Variants in CHD8 observed in about 807,000 individuals in gnomAD.
CHD8 encodes chromodomain helicase DNA binding protein 8.
CHD8 carries 31 observed loss-of-function variants against 279.2 expected under a neutral mutation model. The observed-to-expected ratio is 0.11, with a 90% CI of 0.08 to 0.15. CHD8 has a LOEUF of 0.15. Ranked by LOEUF, CHD8 falls within the 10% of genes least tolerant of loss-of-function variation. The pLI, the probability that CHD8 is intolerant of heterozygous loss-of-function variation, is 1.00. For synonymous variants in CHD8, 1,081 were observed against 1,139.6 expected (o/e 0.95, Z 1.04); for missense variants, 2,146 against 3,230.5 (o/e 0.66, Z 8.14).
intron 1 of CHD8, among the ~76,000 whole-genome samples, chr14:21,437,465 T>C (rs1889837349): frequency 6.6e-6 from 1 of 151,928 alleles, no homozygotes; most frequent in Non-Finnish European, 1.5e-5. Flanking sequence ...GCAGCTTGCT[T>C]GAAAAAAGGG....
chr14:21,387,211 C>T (rs1370832098), intron 37 of CHD8, among the ~76,000 whole-genome samples: 8 of 152,176 alleles, frequency 5.3e-5, no homozygotes, highest in Admixed American at 2.6e-4. Context: ...CTGGGCCAGG[C>T]GTGGTGGCTC....
At position 21,456,033 on chromosome 14, in the gene CHD8, T is replaced by G. The variant is rs1233252387; in HGVS notation, c.-217A>C. ...AGCGGGTGCGAGCGGGAAGCCTACC[T>G]GTGCAAGTCCTGGTACTTCCTTTCC... On this transcript the variant is annotated splice_region_variant and 5_prime_UTR_variant, in exon 1 of 38. Transcript: ENST00000646647. 7 of 152,342 alleles carry G rather than the reference T, an allele frequency of 4.6e-5. No individual in the cohort carries two copies. Among genetic ancestry groups the G allele is most frequent in the Non-Finnish European group, 1.0e-4 (7 of 68,200 alleles). 9.4% of individuals were successfully genotyped at this position (152,342 alleles called of 1,614,324 possible).
At chr14:21,432,692 C>T (rs886560476) in intron 1 of CHD8, among the ~76,000 whole-genome samples, 2 of 152,146 alleles carry the variant, frequency 1.3e-5, no homozygotes, top group Non-Finnish European at 2.9e-5. Flanking sequence ...AATAATCTCT[C>T]GCAGCTAAAA....
intron 1 of CHD8, among the ~76,000 whole-genome samples, chr14:21,435,208 T>G (rs1292723483): frequency 1.3e-5 from 2 of 152,188 alleles, no homozygotes; most frequent in African/African-American, 4.8e-5. Flanking sequence ...TTGGAGGGCA[T>G]GTAGGGGGTG....
At position 21,395,291 on chromosome 14, in the gene CHD8, A is replaced by C. The variant is rs755036834; in HGVS notation, c.5182+7T>G. ...ACAGAATTATACTAGTTGACCTAGAAGTTTACCTTCATCTCCATCAATCAC... is the reference window on the plus strand; with the variant it reads ...ACAGAATTATACTAGTTGACCTAGACGTTTACCTTCATCTCCATCAATCAC... On this transcript the variant is annotated splice_region_variant and intron_variant, in intron 29 of 37. Transcript: ENST00000646647. The C allele has an allele frequency of 6.2e-7, 1 of 1,603,304 alleles. No homozygotes were observed. The highest frequency in any genetic ancestry group is 1.1e-5 in the South Asian group (1 of 90,190).
At position 21,391,841 on chromosome 14, in the gene CHD8, G is replaced by A; in HGVS notation, c.6877C>T (p.Leu2293=). 6.2e-7 allele frequency: 1 copy of A among 1,608,190 alleles called. No homozygotes were observed. The highest frequency in any genetic ancestry group is 8.5e-7 in the Non-Finnish European group (1 of 1,174,682). ...FHKKKGNRKK[L]VELEVECMEE... ...CTTTCTCTACCACTCACCTCTACTA[G>A]CTTCTTTCTGTTCCCCTTCTTCTTA... Residue 2293 remains leucine (L), a synonymous_variant, in exon 35 of 38, where the codon CTA becomes TTA. Transcript: ENST00000646647.
rs556124605 is a variant in CHD8 at position 21,404,460 on chromosome 14, G to C, written c.3307+749C>G. Among the ~76,000 whole-genome samples, 5 of 146,114 alleles carry C rather than the reference G, an allele frequency of 3.4e-5. No individual in the cohort carries two copies. In the South Asian group the frequency reaches 1.1e-3, roughly 32 times the overall value. ...AGATGTGTCATACAAAATACACTAA[G>C]TAAGGCAGGCCTATGATAACTGGGT... On this transcript the variant is annotated intron_variant, in intron 16 of 37. Coordinates refer to ENST00000646647, the MANE Select transcript of CHD8 (RefSeq NM_001170629.2).
intron 28 of CHD8, 67 bp from the exon 29 acceptor site, chr14:21,395,419 A>C: frequency 9.0e-7 from 1 of 1,115,098 alleles, no homozygotes; most frequent in Non-Finnish European, 1.3e-6. Context: ...GGCACTCTGA[A>C]ATCACTTTCT....
At position 21,391,615 on chromosome 14, in the gene CHD8, T is replaced by G. The variant is rs1235483629; in HGVS notation, c.6913A>C (p.Asn2305His). The G allele has an allele frequency of 3.7e-6, 6 of 1,605,698 alleles. No individual in the cohort carries two copies. The highest frequency in any genetic ancestry group is 5.1e-6 in the Non-Finnish European group (6 of 1,175,786). ...ELEVECMEEP[N>H]HLDVDLETRI... Reference sequence around the variant, plus strand: ...GTCTCCAGGTCCACATCAAGGTGATTAGGCTCTTCCATGCACTCCACCTCC... The same window carrying G: ...GTCTCCAGGTCCACATCAAGGTGATGAGGCTCTTCCATGCACTCCACCTCC... The change falls in exon 36 of 38, where the codon AAT (asparagine) becomes CAT (histidine). Residue 2305 changes from asparagine to histidine, a missense_variant. Coordinates refer to ENST00000646647, the MANE Select transcript of CHD8 (RefSeq NM_001170629.2).
Position 21,385,810 on chromosome 14 carries a change from G to A in CHD8, c.7549C>T (p.Pro2517Ser), listed in dbSNP as rs528440864. The A allele has an allele frequency of 6.4e-7, 1 of 1,550,740 alleles. No individual in the cohort carries two copies. Among genetic ancestry groups the A allele is most frequent in the African/African-American group, 1.4e-5 (1 of 72,812 alleles). Residue 2517 changes from proline to serine, a missense_variant, in exon 38 of 38, where the codon CCC (proline) becomes TCC (serine). This residue lies in a region of CHD8 where 336 missense variants were observed against 392.9 expected (regional missense o/e 0.86). Coordinates refer to ENST00000646647, the MANE Select transcript of CHD8 (RefSeq NM_001170629.2). ...HHPGLRAPGY[P>S]SSPVTTASGT... ...GAGGCGGTAGTCACTGGTGAAGAGG[G>A]GTAGCCAGGGGCTCTCAAGCCTGGA... is the stretch of plus-strand genomic sequence containing the variant.
rs1369694963 is a variant in CHD8, at chr14:21,408,351, C to A, written c.2691G>T (p.Gln897His). The A allele has an allele frequency of 6.2e-7, 1 of 1,613,758 alleles. No homozygotes were observed. The highest frequency in any genetic ancestry group is 1.3e-5 in the African/African-American group (1 of 74,930). The change falls in exon 13 of 38, where the codon CAG becomes CAT. Residue 897 changes from glutamine (Q) to histidine (H), a missense_variant. By Grantham distance (24) the Gln-to-His change is conservative. Coordinates refer to ENST00000646647, the MANE Select transcript of CHD8 (RefSeq NM_001170629.2). The surrounding 1 kb of genome is among the most constrained non-coding windows in gnomAD (Gnocchi z 4.3). ...IVYHGSLASR[Q>H]MIQQYEMYCK... ...AGTACATTTCATACTGTTGAATCAT[C>A]TGCCTGCTGGCCAGACTGCCATGGT...
Position 21,399,692 on chromosome 14 carries a change from A to G in CHD8, c.4831T>C (p.Trp1611Arg). ...TCCAGTTGATCCACTACTGGGAACC[A>G]TATGTCAATCTCACTAAAGGTATAA... ...GGAIASEIDI[W>R]FPVVDQLEVP... Residue 1611 changes from tryptophan (W) to arginine (R), a missense_variant, in exon 26 of 38, where the codon TGG becomes CGG. Trp to Arg is a moderately radical substitution (Grantham distance 101, BLOSUM62 -3). Transcript: ENST00000646647. 6.2e-7 allele frequency: 1 copy of G among 1,611,734 alleles called. No homozygotes were observed. Among genetic ancestry groups the G allele is most frequent in the Non-Finnish European group, 8.5e-7 (1 of 1,177,856 alleles).
chr14:21,389,797 AATTT>A (rs1053021173), intron 37 of CHD8, among the ~76,000 whole-genome samples: 1 of 152,186 alleles, frequency 6.6e-6, no homozygotes, highest in Admixed American at 6.5e-5. Flanking sequence ...TTAATGGACA[AATTT>A]ATTATGAATT....
intron 5 of CHD8, among the ~76,000 whole-genome samples, chr14:21,420,334 T>G (rs1452457532): frequency 6.6e-6 from 1 of 152,104 alleles, no homozygotes; most frequent in Non-Finnish European, 1.5e-5. Context: ...TTTAGGTTGA[T>G]GTGCCTGGGA....
At position 21,406,997 on chromosome 14, in the gene CHD8, A is replaced by G. The variant is rs1888278917; in HGVS notation, c.2766T>C (p.Ala922=). Residue 922 remains alanine (A), a synonymous_variant, in exon 14 of 38, where the codon GCT becomes GCC. Transcript: ENST00000646647. ...AAATCATCTCAAAAGTGGTGATCAG[A>G]GCGTCAAACTTGTATGCGCCTGGGA... ...RLIPGAYKFD[A]LITTFEMILS... The G allele has an allele frequency of 1.9e-6, 3 of 1,598,990 alleles. No individual in the cohort carries two copies. Among genetic ancestry groups the G allele is most frequent in the African/African-American group, 2.7e-5 (2 of 74,722 alleles).
At chr14:21,389,317 AT>A (rs1887425376) in intron 37 of CHD8, among the ~76,000 whole-genome samples, 1 of 147,456 alleles carries the variant, frequency 6.8e-6, no homozygotes, top group African/African-American at 2.5e-5. Context: ...AAAAAAAAAA[AT>A]TACAACTATT....
chr14:21,399,682 A>G lies in CHD8; in HGVS notation c.4841T>C (p.Val1614Ala), dbSNP rs2139460785. 3 of 1,613,102 alleles carry G rather than the reference A, an allele frequency of 1.9e-6. No individual in the cohort carries two copies. Among genetic ancestry groups the G allele is most frequent in the Non-Finnish European group, 1.7e-6 (2 of 1,179,088 alleles). ...TGTTGGAACCTCCAGTTGATCCACT[A>G]CTGGGAACCATATGTCAATCTCACT... ...IASEIDIWFP[V>A]VDQLEVPTTW... Residue 1614 changes from valine (V) to alanine (A), a missense_variant, in exon 26 of 38, where the codon GTA becomes GCA. By Grantham distance (64) the Val-to-Ala change is moderately conservative. Coordinates refer to ENST00000646647, the MANE Select transcript of CHD8 (RefSeq NM_001170629.2).
In CHD8 at chr14:21,430,798, C is replaced by A; in HGVS notation, c.843+3G>T. Reference sequence around the variant, plus strand: ...ATTCACCTCCCCCTTTCACTCAAGTCACCTGGGTAGGTGTAGAGGTCAGTG... The same window carrying A: ...ATTCACCTCCCCCTTTCACTCAAGTAACCTGGGTAGGTGTAGAGGTCAGTG... On this transcript the variant is annotated splice_donor_region_variant and intron_variant, in intron 2 of 37. Coordinates refer to ENST00000646647, the MANE Select transcript of CHD8 (RefSeq NM_001170629.2). 1 of 1,574,984 alleles carries A rather than the reference C, an allele frequency of 6.3e-7. No individual in the cohort carries two copies. The highest frequency in any genetic ancestry group is 1.1e-5 in the South Asian group (1 of 89,722).
At position 21,391,826 on chromosome 14, in the gene CHD8, C is replaced by G; in HGVS notation, c.6885+7G>C. 1 of 1,594,586 alleles carries G rather than the reference C, an allele frequency of 6.3e-7. No individual in the cohort carries two copies. The highest frequency in any genetic ancestry group is 8.6e-7 in the Non-Finnish European group (1 of 1,162,162). ...TCGTCAGGTTAAAGACTTTCTCTAC[C>G]ACTCACCTCTACTAGCTTCTTTCTG... On this transcript the variant is annotated splice_region_variant and intron_variant, in intron 35 of 37. Coordinates refer to ENST00000646647, the MANE Select transcript of CHD8 (RefSeq NM_001170629.2).
Sources: allele counts gnomAD v4.1 joint callset (sites outside exome capture counted in the v4.1 genomes callset), GRCh38; gene constraint gnomAD v4.1.1; regional missense constraint gnomAD v4.1.1; non-coding constraint Gnocchi (gnomAD v3.1); transcripts MANE v1.5; gene names NCBI Gene and HGNC (gene_info 2026-07-23, HGNC 2026-07-21).